ACER3: variants seen among roughly 807,000 people sequenced by gnomAD.
The protein encoded by ACER3 is alkCDase 3.
ACER3 carries 16 observed loss-of-function variants against 48.9 expected under a neutral mutation model. That is an observed-to-expected ratio of 0.33 (90% CI 0.22 to 0.50). ACER3 has a LOEUF of 0.50. Among genes scored for constraint, ACER3 ranks in the 20% least tolerant of loss-of-function variants. The pLI is 0.98. For synonymous variants in ACER3, 109 were observed against 107.8 expected, an observed-to-expected ratio of 1.01 and a Z score of -0.07; for missense variants, 227 against 326.0, an observed-to-expected ratio of 0.70 and a Z score of 2.34.
chr11:76,979,482 T>C (rs1450424054), intron 4 of ACER3, among the ~76,000 whole-genome samples: 3 of 152,198 alleles, frequency 2.0e-5, no homozygotes, highest in East Asian at 3.9e-4. Flanking sequence ...TGAAAACCTG[T>C]CTCTGCTAAA....
intron 6 of ACER3, among the ~76,000 whole-genome samples, chr11:76,994,912 G>A (rs1168592208): frequency 6.6e-6 from 1 of 152,126 alleles, no homozygotes; most frequent in African/African-American, 2.4e-5. Flanking sequence ...TTAAGCTGCA[G>A]TATGACCAAA....
chr11:76,976,697 G>A (rs1565209922), intron 4 of ACER3, among the ~76,000 whole-genome samples: 4 of 152,086 alleles, frequency 2.6e-5, no homozygotes, highest in South Asian at 2.1e-4. Flanking sequence ...TTAACAAGAC[G>A]CTTACCAGAA....
chr11:76,994,233 T>C (rs1299613120), intron 6 of ACER3: 1 of 453,414 alleles, frequency 2.2e-6, no homozygotes, highest in East Asian at 7.0e-5. Context: ...CCAGGTTCGT[T>C]ATTCTTATGC....
Position 77,026,294 on chromosome 11 carries a change from A to G in ACER3, c.*5967A>G, listed in dbSNP as rs1460511943. On this transcript the variant is annotated 3_prime_UTR_variant, in exon 11 of 11. Coordinates refer to ENST00000532485, the MANE Select transcript of ACER3 (RefSeq NM_018367.7). The stretch of plus-strand genomic sequence containing the variant: ...TTTAACTTTCTAAAAGGAAAAGTTC[A>G]AAGTCCTTTCCACAGTTAGTCTTCG... The G allele has an allele frequency of 6.6e-6, 1 of 152,200 alleles. No homozygotes were observed. The highest frequency in any genetic ancestry group is 1.5e-5 in the Non-Finnish European group (1 of 68,034). The allele number at this position is 152,200 out of a possible 1,614,324, so 9.4% of individuals were successfully genotyped here.
At chr11:77,009,069 G>C in intron 7 of ACER3, among the ~76,000 whole-genome samples, 1 of 152,028 alleles carries the variant, frequency 6.6e-6, no homozygotes, top group Middle Eastern at 3.4e-3. Flanking sequence ...CCAAATAATA[G>C]CAATCCAAAG....
At chr11:76,914,331 A>T (rs971015566) in intron 1 of ACER3, among the ~76,000 whole-genome samples, 8 of 152,200 alleles carry the variant, frequency 5.3e-5, no homozygotes, top group Admixed American at 2.0e-4. Flanking sequence ...GAATCTACAA[A>T]GAACTCAAAC....
chr11:76,919,865 CTAT>C (rs1484300010), intron 1 of ACER3, among the ~76,000 whole-genome samples: 1 of 152,194 alleles, frequency 6.6e-6, no homozygotes, highest in Non-Finnish European at 1.5e-5. Context: ...CCCTCACCAA[CTAT>C]AGTTTTACCA....
rs1227743633 is a variant in ACER3, at chr11:77,020,475, A to G, written c.*148A>G. The stretch of plus-strand genomic sequence containing the variant: ...CTGACTAATGCTGCCACCCACACAG[A>G]GAATAAGGAGTAGGGCCTGCTGGGT... On this transcript the variant is annotated 3_prime_UTR_variant, in exon 11 of 11. Transcript: ENST00000532485. 1 of 821,388 alleles carries G rather than the reference A, an allele frequency of 1.2e-6. No individual in the cohort carries two copies. The highest frequency in any genetic ancestry group is 1.7e-5 in the African/African-American group (1 of 57,890). 50.9% of individuals were successfully genotyped at this position (821,388 alleles called of 1,614,324 possible).
At chr11:76,880,245 T>C (rs1470400324) in intron 1 of ACER3, among the ~76,000 whole-genome samples, 2 of 152,228 alleles carry the variant, frequency 1.3e-5, no homozygotes, top group African/African-American at 4.8e-5. Flanking sequence ...CTTAAAACAC[T>C]GATTTTAGAT....
intron 2 of ACER3, among the ~76,000 whole-genome samples, chr11:76,935,609 A>G (rs530547539): frequency 1.3e-5 from 2 of 152,332 alleles, no homozygotes; most frequent in African/African-American, 4.8e-5. Context: ...AGGAAGTATA[A>G]GCCAAGTATT....
At chr11:76,952,139 TACAC>T (rs71272233) in intron 2 of ACER3, among the ~76,000 whole-genome samples, 5,040 of 72,668 alleles carry the variant, frequency 0.069, 102 homozygotes, top group South Asian at 0.15. Flanking sequence ...TATATATATA[TACAC>T]ACACACACAC....
chr11:76,992,056 GA>G (rs937397849), intron 6 of ACER3, among the ~76,000 whole-genome samples: 13 of 144,878 alleles, frequency 9.0e-5, no homozygotes, highest in African/African-American at 2.5e-4. Context: ...AGCAAAAAAA[GA>G]AAAAAAAAAT....
At chr11:76,946,491 G>A (rs1466205513) in intron 2 of ACER3, among the ~76,000 whole-genome samples, 1 of 152,192 alleles carries the variant, frequency 6.6e-6, no homozygotes, top group Non-Finnish European at 1.5e-5. Flanking sequence ...CCCAAACTCA[G>A]CCTGAGGGTG....
rs1949485950 is a variant in ACER3, at chr11:77,022,438, G to A, written c.*2111G>A. ...TCTTTGAAGACCTTTTTTTCTGTTG[G>A]GAGAATGGAAAGCAGAAAGGGAAGC... On this transcript the variant is annotated 3_prime_UTR_variant, in exon 11 of 11. Coordinates refer to ENST00000532485, the MANE Select transcript of ACER3 (RefSeq NM_018367.7). 1 of 152,130 alleles carries A rather than the reference G, an allele frequency of 6.6e-6. No homozygotes were observed. Among genetic ancestry groups the A allele is most frequent in the African/African-American group, 2.4e-5 (1 of 41,440 alleles). 9.4% of individuals were successfully genotyped at this position (152,130 alleles called of 1,614,324 possible).
At chr11:76,953,365 G>A (rs754803944) in intron 2 of ACER3, among the ~76,000 whole-genome samples, 18 of 152,236 alleles carry the variant, frequency 1.2e-4, no homozygotes, top group Non-Finnish European at 2.5e-4. Context: ...TTGGGAGGCC[G>A]AGGTGGGTGG....
rs1945364907 is a variant in ACER3, at chr11:76,875,783, T to C, written c.103+14704T>C. On this transcript the variant is annotated intron_variant, in intron 1 of 10. Coordinates refer to ENST00000532485, the MANE Select transcript of ACER3 (RefSeq NM_018367.7). Reference sequence around the variant, plus strand: ...TGGAGTCTCACTGTGTTGCCGAGGCTGGAGTGCAGTGGCATGATCTCAGCT... The same window carrying C: ...TGGAGTCTCACTGTGTTGCCGAGGCCGGAGTGCAGTGGCATGATCTCAGCT... 3.0e-5 allele frequency among the ~76,000 whole-genome samples: 4 copies of C among 132,130 alleles called. No homozygotes were observed. The South Asian group carries it at 7.9e-4, about 26-fold the overall frequency. 86.7% of individuals were successfully genotyped at this position (132,130 alleles called of 152,430 possible).
intron 1 of ACER3, among the ~76,000 whole-genome samples, chr11:76,915,701 T>C (rs1476801783): frequency 6.6e-6 from 1 of 152,248 alleles, no homozygotes; most frequent in African/African-American, 2.4e-5. Context: ...AGAGGTTTCA[T>C]TGACTCACAG....
chr11:77,002,859 T>C (rs923987156), intron 7 of ACER3, among the ~76,000 whole-genome samples: 6 of 152,192 alleles, frequency 3.9e-5, no homozygotes, highest in Admixed American at 6.5e-5. Context: ...GGACAAATAC[T>C]ACGAGTCCAT....
At chr11:76,875,347 C>T (rs1024875088) in intron 1 of ACER3, among the ~76,000 whole-genome samples, 2 of 151,822 alleles carry the variant, frequency 1.3e-5, no homozygotes, top group African/African-American at 2.4e-5. Context: ...CTCCTTACCT[C>T]GTGATCCATC....
Sources: gnomAD v4.1 joint callset for allele counts (sites outside exome capture counted in the v4.1 genomes callset) on GRCh38, gnomAD v4.1.1 for gene constraint, MANE v1.5 for transcripts, NCBI Gene and HGNC (gene_info 2026-07-23, HGNC 2026-07-21) for gene names.